VPS13C: variants seen among roughly 807,000 people sequenced by gnomAD.
VPS13C encodes the protein intermembrane lipid transfer protein VPS13C.
VPS13C carries 358 observed loss-of-function variants against 456.8 expected under a neutral mutation model. The observed-to-expected ratio is 0.78, with a 90% CI of 0.72 to 0.86. The LOEUF (loss-of-function observed/expected upper bound fraction) is 0.86. Among genes scored for constraint, VPS13C ranks in the 40% least tolerant of loss-of-function variants. The probability of loss-of-function intolerance (pLI) is 0.00; values close to 1 mark genes in which losing one functional copy is unlikely to be tolerated. For synonymous variants in VPS13C, 1,578 were observed against 1,486.7 expected (o/e 1.06, Z -1.41); for missense variants, 4,818 against 4,385.4 (o/e 1.10, Z -2.79).
chr15:62,008,557 G>T, intron 14 of VPS13C, 98 bp downstream of exon 14: 1 of 646,118 alleles, frequency 1.5e-6, no homozygotes, highest in Non-Finnish European at 2.4e-6. Context: ...TTTTTAAAGT[G>T]GCTGAATTAC....
intron 23 of VPS13C, among the ~76,000 whole-genome samples, chr15:61,977,696 C>G (rs2045745465): frequency 6.6e-6 from 1 of 151,982 alleles, no homozygotes; most frequent in Non-Finnish European, 1.5e-5. Flanking sequence ...AATCACTTTT[C>G]TTCAAATAAG....
chr15:61,907,531 G>C (rs2043184876), intron 65 of VPS13C, 141 bp from the exon 66 acceptor site: 1 of 1,120,646 alleles, frequency 8.9e-7, no homozygotes. Context: ...CTAAAAACAA[G>C]TACCCTAAAA....
At position 61,947,222 on chromosome 15, in the gene VPS13C, T is replaced by A; in HGVS notation, c.4847A>T (p.Lys1616Met). Residue 1616 changes from lysine (K) to methionine (M), a missense_variant, in exon 43 of 85, where the codon AAG (lysine) becomes ATG (methionine). By Grantham distance (95) the Lys-to-Met change is moderately conservative. Around this residue, in one of 3 missense-constraint regions of VPS13C, gnomAD observed 4,552 missense variants for 4,130.6 expected, o/e 1.10. Transcript: ENST00000644861. ...TATTTTAATATCTGCAATGTTACAC[T>A]TCTGATCACAGACAAAGACATTAAA... The part of the protein sequence containing the change: ...NAFNVFVCDQ[K>M]CNIADIKIHG... 1 of 1,604,244 alleles carries A rather than the reference T, an allele frequency of 6.2e-7. No homozygotes were observed. The highest frequency in any genetic ancestry group is 8.5e-7 in the Non-Finnish European group (1 of 1,176,568).
intron 6 of VPS13C, among the ~76,000 whole-genome samples, 165 bp downstream of exon 6, chr15:62,028,193 C>T (rs553867085): frequency 2.0e-5 from 3 of 151,966 alleles, no homozygotes; most frequent in South Asian, 2.1e-4. Context: ...AATGAATAAA[C>T]GACTACAGGT....
intron 15 of VPS13C, among the ~76,000 whole-genome samples, chr15:62,003,497 T>G (rs1360323830): frequency 6.6e-6 from 1 of 152,102 alleles, no homozygotes; most frequent in Non-Finnish European, 1.5e-5. Context: ...TTTTCCTAAT[T>G]GAATACCCTT....
rs764811750 is a variant in VPS13C, at chr15:61,918,227, T to A, written c.7669A>T (p.Ile2557Phe). 6 of 1,588,130 alleles carry A rather than the reference T, an allele frequency of 3.8e-6. No individual in the cohort carries two copies. In the East Asian group the frequency reaches 1.4e-4, roughly 36 times the overall value. The change falls in exon 59 of 85, where the codon ATC (isoleucine) becomes TTC (phenylalanine). Residue 2557 changes from isoleucine to phenylalanine, a missense_variant. Around this residue, in one of 3 missense-constraint regions of VPS13C, gnomAD observed 4,552 missense variants for 4,130.6 expected, o/e 1.10. Transcript: ENST00000644861. ...IKNHFSIAFI[I>F]YKFVKNVKLL... ...TTAACATTCTTAACAAATTTATAGATGATAAATGCAATGGAGAAATGGTTT... is the reference window on the plus strand; with the variant it reads ...TTAACATTCTTAACAAATTTATAGAAGATAAATGCAATGGAGAAATGGTTT...
rs1387725191 is a variant in VPS13C, at chr15:61,921,987, T to A, written c.7022A>T (p.Glu2341Val). ...CCATTGTCTCTTCCCCTCCACTCTC[T>A]CAATCAGTGGCTCCCAGACAGCATG... is the stretch of plus-strand genomic sequence containing the variant. Reference protein sequence around the residue: ...EIHAVWEPLIERVEGKRQWNL... With the variant: ...EIHAVWEPLIVRVEGKRQWNL... The change falls in exon 55 of 85, where the codon GAG becomes GTG. Residue 2341 changes from glutamate to valine, a missense_variant. Around this residue, in one of 3 missense-constraint regions of VPS13C, gnomAD observed 4,552 missense variants for 4,130.6 expected, o/e 1.10. Transcript: ENST00000644861. 1 of 1,613,684 alleles carries A rather than the reference T, an allele frequency of 6.2e-7. No individual in the cohort carries two copies. Among genetic ancestry groups the A allele is most frequent in the Non-Finnish European group, 8.5e-7 (1 of 1,179,684 alleles).
intron 82 of VPS13C, among the ~76,000 whole-genome samples, chr15:61,861,388 A>G (rs8034867): frequency 0.011 from 1,619 of 152,284 alleles, 35 homozygotes; most frequent in African/African-American, 0.037. Context: ...TCTTGTACAT[A>G]CTGTTCATAG....
intron 49 of VPS13C, among the ~76,000 whole-genome samples, chr15:61,932,552 A>T (rs2044097580): frequency 6.6e-6 from 1 of 151,854 alleles, no homozygotes; most frequent in Admixed American, 6.6e-5. Flanking sequence ...CAGCCAATCA[A>T]CAAAAACCTT....
intron 38 of VPS13C, among the ~76,000 whole-genome samples, chr15:61,952,770 G>A (rs1037997452): frequency 1.3e-5 from 2 of 152,134 alleles, no homozygotes; most frequent in Admixed American, 1.3e-4. Context: ...CCAGGCTGGA[G>A]TGCAGTGGCA....
chr15:61,871,891 T>C (rs1566959574), intron 79 of VPS13C, 98 bp downstream of exon 79: 24 of 1,057,806 alleles, frequency 2.3e-5, no homozygotes, highest in Non-Finnish European at 2.9e-5. Context: ...AGTCAGTAAT[T>C]TTCTCAATCA....
chr15:61,923,121 C>T (rs2043715373), intron 53 of VPS13C, among the ~76,000 whole-genome samples: 1 of 150,980 alleles, frequency 6.6e-6, no homozygotes, highest in Non-Finnish European at 1.5e-5. Flanking sequence ...ACAAATTCTT[C>T]ATTTTAAAAA....
chr15:61,897,664 T>C (rs935862768), intron 66 of VPS13C, among the ~76,000 whole-genome samples: 2 of 152,122 alleles, frequency 1.3e-5, no homozygotes, highest in East Asian at 1.9e-4. Context: ...TGGAACCAAG[T>C]TGGAAAACAC....
chr15:61,915,542 G>T, intron 61 of VPS13C, 91 bp downstream of exon 61: 1 of 1,330,742 alleles, frequency 7.5e-7, no homozygotes, highest in Non-Finnish European at 1.0e-6. Context: ...TTAGCAAATA[G>T]GTTAGCATGG....
At chr15:61,985,302 G>T (rs1034996668) in intron 18 of VPS13C, among the ~76,000 whole-genome samples, 1 of 152,028 alleles carries the variant, frequency 6.6e-6, no homozygotes, top group Admixed American at 6.6e-5. Flanking sequence ...CTATTGCCAG[G>T]CTGGAGTGCA....
intron 73 of VPS13C, among the ~76,000 whole-genome samples, chr15:61,879,161 T>A (rs1055538074): frequency 6.6e-6 from 1 of 152,074 alleles, no homozygotes; most frequent in Admixed American, 6.6e-5. Flanking sequence ...TTTAAAAGTA[T>A]AATAAGGCTT....
intron 78 of VPS13C, 74 bp downstream of exon 78, chr15:61,873,159 TAAGCAGCATTCTA>T: frequency 6.4e-7 from 1 of 1,566,838 alleles, no homozygotes. Flanking sequence ...CCTAGACTCA[TAAGCAGCATTCTA>T]AGTTTCACAC....
At chr15:62,013,598 C>T (rs1428182103) in intron 10 of VPS13C, among the ~76,000 whole-genome samples, 1 of 151,944 alleles carries the variant, frequency 6.6e-6, no homozygotes, top group African/African-American at 2.4e-5. Context: ...TGAAACGTAT[C>T]TGTTTAATTA....
At chr15:62,006,146 C>G (rs1325598335) in intron 15 of VPS13C, among the ~76,000 whole-genome samples, 5 of 151,260 alleles carry the variant, frequency 3.3e-5, no homozygotes, top group Non-Finnish European at 7.4e-5. Flanking sequence ...GGTACATGCG[C>G]ACATTGTGCA....
Sources: allele counts gnomAD v4.1 joint callset (sites outside exome capture counted in the v4.1 genomes callset), GRCh38; gene constraint gnomAD v4.1.1; regional missense constraint gnomAD v4.1.1; transcripts MANE v1.5; gene names NCBI Gene and HGNC (gene_info 2026-07-23, HGNC 2026-07-21).